Variants in ODAD2 observed in about 807,000 individuals in gnomAD.
The protein encoded by ODAD2 is outer dynein arm-docking complex subunit 2.
ODAD2 carries 89 observed loss-of-function variants against 106.8 expected under a neutral mutation model. The ratio of observed to expected loss-of-function variants is 0.83; its 90% CI spans 0.70 to 0.99. The LOEUF is 0.99. ODAD2 is among the 50% of genes least tolerant of loss of function. The pLI, the probability that ODAD2 is intolerant of heterozygous loss-of-function variation, is 0.00. For missense variants in ODAD2, 1,168 were observed against 1,238.5 expected (o/e 0.94, Z 0.85); for synonymous variants, 404 against 436.2 (o/e 0.93, Z 0.92).
chr10:27,878,822 T>G (rs1245604598), intron 17 of ODAD2, among the ~76,000 whole-genome samples: 1 of 152,172 alleles, frequency 6.6e-6, no homozygotes, highest in Non-Finnish European at 1.5e-5. Context: ...AATAAGATCC[T>G]TGTTCTGTTC....
At chr10:27,917,300 C>T (rs910980559) in intron 16 of ODAD2, among the ~76,000 whole-genome samples, 1 of 152,102 alleles carries the variant, frequency 6.6e-6, no homozygotes, top group African/African-American at 2.4e-5. Context: ...GTAAATCACA[C>T]AAAAAATAGA....
At chr10:27,830,226 A>G (rs1837370494) in intron 19 of ODAD2, among the ~76,000 whole-genome samples, 1 of 152,108 alleles carries the variant, frequency 6.6e-6, no homozygotes, top group South Asian at 2.1e-4. Flanking sequence ...TGTCTTTCTC[A>G]CCACATAACA....
In ODAD2 at chr10:27,944,416, T is replaced by C; in HGVS notation, c.1549A>G (p.Ile517Val). Residue 517 changes from isoleucine to valine, a missense_variant, in exon 12 of 20, where the codon ATA becomes GTA. Around this residue, in one of 3 missense-constraint regions of ODAD2, gnomAD observed 701 missense variants for 712.3 expected, o/e 0.98. Transcript: ENST00000305242. ...EVKCKIGSLK[I>V]LKEISHNPQI... is the part of the protein sequence containing the mutation. ...GGATTATGACTGATTTCCTTCAGTA[T>C]TTTTAATGAACCAATCTGTGTGAGA... is the stretch of plus-strand genomic sequence containing the variant. The C allele has an allele frequency of 6.2e-7, 1 of 1,613,454 alleles. No homozygotes were observed.
intron 19 of ODAD2, among the ~76,000 whole-genome samples, chr10:27,814,575 ACT>A (rs781050141): frequency 2.0e-5 from 3 of 151,658 alleles, no homozygotes; most frequent in African/African-American, 4.9e-5. Flanking sequence ...TGACCTCCAA[ACT>A]CTCTGACCAC....
At chr10:27,814,388 A>G (rs1213199567) in intron 19 of ODAD2, among the ~76,000 whole-genome samples, 1 of 152,216 alleles carries the variant, frequency 6.6e-6, no homozygotes, top group South Asian at 2.1e-4. Flanking sequence ...TAAATAAGAA[A>G]GGAACAATGC....
intron 9 of ODAD2, among the ~76,000 whole-genome samples, chr10:27,968,107 AT>A (rs1471575223): frequency 6.6e-6 from 1 of 151,874 alleles, no homozygotes; most frequent in Non-Finnish European, 1.5e-5. Context: ...TCAACAAGCT[AT>A]ATGAACATGC....
intron 17 of ODAD2, among the ~76,000 whole-genome samples, chr10:27,899,752 C>T (rs4420169): frequency 0.45 from 67,566 of 151,778 alleles, 16,738 homozygotes; most frequent in Middle Eastern, 0.61. Flanking sequence ...TGTAGACAGA[C>T]TGCCTCTCTA....
intron 17 of ODAD2, among the ~76,000 whole-genome samples, chr10:27,889,727 C>T (rs1301165952): frequency 6.6e-6 from 1 of 152,212 alleles, no homozygotes; most frequent in Non-Finnish European, 1.5e-5. Context: ...TGTTGCAGCT[C>T]TGCAATTATG....
At chr10:27,947,226 T>C (rs767105944) in intron 10 of ODAD2, among the ~76,000 whole-genome samples, 1 of 152,168 alleles carries the variant, frequency 6.6e-6, no homozygotes, top group Non-Finnish European at 1.5e-5. Context: ...CCCCCATATT[T>C]GGGTGCAGGA....
At chr10:27,851,550 A>G (rs1195853156) in intron 19 of ODAD2, among the ~76,000 whole-genome samples, 1 of 152,040 alleles carries the variant, frequency 6.6e-6, no homozygotes, top group Non-Finnish European at 1.5e-5. Flanking sequence ...GATGTAAAAC[A>G]CACTAGATGG....
In ODAD2 at chr10:27,924,013, A is replaced by AGG. The variant is rs200670361; in HGVS notation, c.2495+10996_2495+10997insCC. 7.6e-3 allele frequency among the ~76,000 whole-genome samples: 834 copies of AGG among 109,698 alleles called. 36 individuals carry two copies. The highest frequency in any genetic ancestry group is 0.017 in the East Asian group (62 of 3,654). The allele number at this position is 109,698 out of a possible 152,430, so 72.0% of individuals were successfully genotyped here. A position where few individuals can be genotyped will look rare whatever the true frequency, so the allele number is the denominator to read the frequency against. On this transcript the variant is annotated intron_variant, in intron 16 of 19. Transcript: ENST00000305242. ...AAGAAAGAAAGAAAGAAAGAAAGAAAGAAAGAAAGAAGGAAAGAGAAAGAA... is the reference window on the plus strand; with the variant it reads ...AAGAAAGAAAGAAAGAAAGAAAGAAAGGGAAAGAAAGAAGGAAAGAGAAAGAA...
rs200934236 is a variant in ODAD2 at position 27,812,539 on chromosome 10, A to G, written c.3108T>C (p.Leu1036=). The G allele has an allele frequency of 5.6e-6, 9 of 1,613,104 alleles. No homozygotes were observed. The East Asian group carries it at 2.0e-4, about 36-fold the overall frequency. Residue 1036 remains leucine (L), a synonymous_variant, in exon 20 of 20, where the codon CTT becomes CTC. Coordinates refer to ENST00000305242, the MANE Select transcript of ODAD2 (RefSeq NM_018076.5). The part of the protein sequence containing the change: ...GCISNIRRLA[L]ATEKARYT ...AAGTGTATCTTGCCTTCTCTGTAGCAAGAGCCAGCCTGCGGATATTGGATA... is the reference window on the plus strand; with the variant it reads ...AAGTGTATCTTGCCTTCTCTGTAGCGAGAGCCAGCCTGCGGATATTGGATA...
At chr10:27,982,811 C>T (rs1849644686) in intron 6 of ODAD2, among the ~76,000 whole-genome samples, 1 of 152,164 alleles carries the variant, frequency 6.6e-6, no homozygotes, top group South Asian at 2.1e-4. Flanking sequence ...AGCTAAGCTC[C>T]TTCTAGCTGG....
chr10:27,909,632 A>G (rs1200217970), intron 16 of ODAD2, among the ~76,000 whole-genome samples: 1 of 152,018 alleles, frequency 6.6e-6, no homozygotes, highest in Non-Finnish European at 1.5e-5. Context: ...AGCCTGGCCA[A>G]TGTGGCTAAA....
At chr10:27,826,686 T>C (rs1283140918) in intron 19 of ODAD2, among the ~76,000 whole-genome samples, 1 of 152,134 alleles carries the variant, frequency 6.6e-6, no homozygotes, top group Non-Finnish European at 1.5e-5. Context: ...CTCTGCATCC[T>C]CCTGCCTCCC....
At chr10:27,985,706 A>T (rs2133143574) in intron 3 of ODAD2, among the ~76,000 whole-genome samples, 1 of 152,194 alleles carries the variant, frequency 6.6e-6, no homozygotes, top group Middle Eastern at 3.4e-3. Flanking sequence ...ACTCTTTTGC[A>T]AGTATTCAAA....
chr10:27,934,376 C>T (rs1845816396), intron 16 of ODAD2, among the ~76,000 whole-genome samples: 1 of 150,530 alleles, frequency 6.6e-6, no homozygotes, highest in African/African-American at 2.4e-5. Flanking sequence ...AGATATATAT[C>T]TTTATAAAAT....
chr10:27,939,020 C>T (rs1468619747), intron 14 of ODAD2, among the ~76,000 whole-genome samples: 3 of 152,094 alleles, frequency 2.0e-5, no homozygotes, highest in Admixed American at 2.0e-4. Flanking sequence ...ACTACTTTGT[C>T]AAGGCCATTT....
At chr10:27,874,986 G>A (rs1218532758) in intron 17 of ODAD2, among the ~76,000 whole-genome samples, 1 of 152,140 alleles carries the variant, frequency 6.6e-6, no homozygotes, top group Admixed American at 6.5e-5. Context: ...TCACTTCCAG[G>A]TACACCAATC....
Sources: allele counts gnomAD v4.1 joint callset (sites outside exome capture counted in the v4.1 genomes callset), GRCh38; gene constraint gnomAD v4.1.1; regional missense constraint gnomAD v4.1.1; transcripts MANE v1.5; gene names NCBI Gene and HGNC (gene_info 2026-07-23, HGNC 2026-07-21).